DPP6: variants seen among roughly 807,000 people sequenced by gnomAD.
DPP6 encodes the protein dipeptidyl peptidase like 6.
Under a neutral mutation model 122.6 loss-of-function variants are expected in DPP6, and 69 were observed. The ratio of observed to expected loss-of-function variants is 0.56; its 90% CI spans 0.46 to 0.69. DPP6 has a LOEUF of 0.69. Ranked by LOEUF, DPP6 falls within the 30% of genes least tolerant of loss-of-function variation. The pLI is 0.00. For missense variants in DPP6, 928 were observed against 1,116.9 expected (o/e 0.83, Z 2.41); for synonymous variants, 418 against 433.1 (o/e 0.97, Z 0.43).
chr7:154,335,852 A>G (rs1585978731), intron 1 of DPP6, among the ~76,000 whole-genome samples: 1 of 152,146 alleles, frequency 6.6e-6, no homozygotes, highest in East Asian at 1.9e-4. Flanking sequence ...CATGGGATAT[A>G]TTTAAAGAGG....
intron 1 of DPP6, among the ~76,000 whole-genome samples, chr7:153,905,615 T>C (rs1050486886): frequency 4.8e-5 from 7 of 144,734 alleles, no homozygotes; most frequent in Non-Finnish European, 1.1e-4. Context: ...TGAGTATGTA[T>C]TGGCAATTTG....
chr7:154,173,335 C>T (rs1235435562), intron 1 of DPP6, among the ~76,000 whole-genome samples: 1 of 152,132 alleles, frequency 6.6e-6, no homozygotes, highest in Admixed American at 6.5e-5. Flanking sequence ...GGTTTTTATT[C>T]TTAGTGAATT....
In DPP6 at chr7:154,481,395, G is replaced by C. The variant is rs1823285150; in HGVS notation, c.457+6358G>C. On this transcript the variant is annotated intron_variant, in intron 3 of 25. Coordinates refer to ENST00000377770, the MANE Select transcript of DPP6 (RefSeq NM_130797.4). This position sits in a 1 kb window ranked among gnomAD's most constrained non-coding sequence, Gnocchi z 4.2. ...TGTGTCTGTGTGTGTGTGCATGTCA[G>C]TCACTGGCTAATTTCCATGTCCACT... is the stretch of plus-strand genomic sequence containing the variant. 6.6e-6 allele frequency among the ~76,000 whole-genome samples: 1 copy of C among 151,196 alleles called. No individual in the cohort carries two copies.
chr7:153,803,982 T>C, the DPP6 span, among the ~76,000 whole-genome samples: 4 of 151,790 alleles, frequency 2.6e-5, no homozygotes, highest in East Asian at 7.8e-4. Flanking sequence ...AAGTCTTTGC[T>C]CAAATGTTAA....
chr7:153,875,721 G>A, the DPP6 span, among the ~76,000 whole-genome samples: 1 of 151,866 alleles, frequency 6.6e-6, no homozygotes, highest in East Asian at 1.9e-4. Flanking sequence ...CTAATTTGAA[G>A]AAGATTTATC....
intron 1 of DPP6, among the ~76,000 whole-genome samples, chr7:154,270,691 A>G (rs1253149500): frequency 1.3e-5 from 2 of 152,202 alleles, no homozygotes; most frequent in African/African-American, 4.8e-5. Flanking sequence ...GGTAGTGAGT[A>G]GGTCACTTAT....
At position 154,059,862 on chromosome 7, in the gene DPP6, C is replaced by G. The variant is rs1373117149; in HGVS notation, c.243+6799C>G. ...GACAGGGTTGCTAAAGGATGGCCCC[C>G]CTATTTGACGGCCTTGGCAGCAACT... On this transcript the variant is annotated intron_variant, in intron 1 of 25. Coordinates refer to ENST00000377770, the MANE Select transcript of DPP6 (RefSeq NM_130797.4). Among the ~76,000 whole-genome samples the G allele has an allele frequency of 4.6e-5, 7 of 151,248 alleles. No individual in the cohort carries two copies. The East Asian group carries it at 7.8e-4, about 17-fold the overall frequency.
intron 1 of DPP6, among the ~76,000 whole-genome samples, chr7:154,034,615 G>A (rs921278366): frequency 8.6e-5 from 13 of 152,014 alleles, no homozygotes; most frequent in African/African-American, 3.1e-4. Context: ...TTGTTTTGGA[G>A]CTCGACAAGC....
At chr7:154,781,207 CT>C (rs1420738410) in intron 10 of DPP6, among the ~76,000 whole-genome samples, 1 of 152,090 alleles carries the variant, frequency 6.6e-6, no homozygotes, top group Non-Finnish European at 1.5e-5. Flanking sequence ...GATGGACAGA[CT>C]GATGGACAAA....
the DPP6 span, among the ~76,000 whole-genome samples, chr7:153,779,891 C>G: frequency 6.6e-6 from 1 of 151,396 alleles, no homozygotes; most frequent in East Asian, 1.9e-4. Context: ...TGTGATTGTA[C>G]AAGATGTCAA....
At chr7:154,533,588 A>T (rs1445742306) in intron 3 of DPP6, among the ~76,000 whole-genome samples, 1 of 152,236 alleles carries the variant, frequency 6.6e-6, no homozygotes, top group Non-Finnish European at 1.5e-5. Context: ...TATTTTATGA[A>T]GCAGAAATAC....
chr7:154,587,572 G>C (rs967487249), intron 5 of DPP6: 2 of 1,452,576 alleles, frequency 1.4e-6, no homozygotes, highest in African/African-American at 2.8e-5. Flanking sequence ...AACTTCCCAT[G>C]CCCCAAAATA....
chr7:154,881,754 C>G (rs1015288119), intron 21 of DPP6, among the ~76,000 whole-genome samples: 11 of 152,228 alleles, frequency 7.2e-5, no homozygotes, highest in Non-Finnish European at 2.9e-5. Flanking sequence ...GGGCTGCTCC[C>G]GGAAGCAGGG....
At chr7:153,988,293 G>C (rs1023447343) in intron 1 of DPP6, among the ~76,000 whole-genome samples, 6 of 152,208 alleles carry the variant, frequency 3.9e-5, no homozygotes, top group East Asian at 1.9e-4. Context: ...GGAGCTCCGG[G>C]GGTCTGAATG....
rs1269584444 is a variant in DPP6 at position 154,885,715 on chromosome 7, T to G, written c.2216T>G (p.Leu739Arg). The change falls in exon 22 of 26, where the codon CTC (leucine) becomes CGC (arginine). Residue 739 changes from leucine to arginine, a missense_variant. By Grantham distance (102) the Leu-to-Arg change is moderately radical (BLOSUM62 -2). Transcript: ENST00000377770. ...QGQTFTCGSA[L>R]SPITDFKLYA... ...CAGACATTCACCTGCGGCTCTGCTCTCTCTCCAATAACAGACTTCAAACTC... is the reference window on the plus strand; with the variant it reads ...CAGACATTCACCTGCGGCTCTGCTCGCTCTCCAATAACAGACTTCAAACTC... 1.9e-6 allele frequency: 3 copies of G among 1,598,388 alleles called. No homozygotes were observed. The highest frequency in any genetic ancestry group is 1.1e-5 in the South Asian group (1 of 87,996).
intron 4 of DPP6, among the ~76,000 whole-genome samples, chr7:154,543,041 A>C (rs1828859822): frequency 6.6e-6 from 1 of 152,164 alleles, no homozygotes; most frequent in Admixed American, 6.5e-5. Flanking sequence ...CAGGGGCTGG[A>C]GGTTGGAGGA....
At chr7:153,924,234 G>A (rs890240711) in intron 1 of DPP6, among the ~76,000 whole-genome samples, 1 of 151,578 alleles carries the variant, frequency 6.6e-6, no homozygotes, top group Non-Finnish European at 1.5e-5. Flanking sequence ...TCAGCCTCCC[G>A]AGTAGCTGGG....
chr7:153,927,196 C>G (rs1355588834), intron 1 of DPP6, among the ~76,000 whole-genome samples: 3 of 152,122 alleles, frequency 2.0e-5, no homozygotes, highest in Non-Finnish European at 4.4e-5. Context: ...TCCTGTAGCT[C>G]TAACTACTCA....
rs373663458 is a variant in DPP6 at position 154,290,627 on chromosome 7, CAA to C, written c.244-155586_244-155585del. ...ATTGAACGCACTGTAGCCTGTGTGA[CAA>C]GAGCAAAACTCTGTCTCCAAAAAAA... On this transcript the variant is annotated intron_variant, in intron 1 of 25. Coordinates refer to ENST00000377770, the MANE Select transcript of DPP6 (RefSeq NM_130797.4). Among the ~76,000 whole-genome samples, 293 of 142,654 alleles carry C rather than the reference CAA, an allele frequency of 2.1e-3. 2 individuals carry two copies. The highest frequency in any genetic ancestry group is 6.0e-3 in the African/African-American group (226 of 37,632). The allele number at this position is 142,654 out of a possible 152,430, so 93.6% of individuals were successfully genotyped here.
Sources: gnomAD v4.1 joint callset for allele counts (sites outside exome capture counted in the v4.1 genomes callset) on GRCh38, gnomAD v4.1.1 for gene constraint, Gnocchi (gnomAD v3.1) non-coding constraint, MANE v1.5 for transcripts, NCBI Gene and HGNC (gene_info 2026-07-23, HGNC 2026-07-21) for gene names.